GTF2IRD1: variants seen among roughly 807,000 people sequenced by gnomAD.
GTF2IRD1 encodes GTF2I repeat domain containing 1.
In GTF2IRD1, 26 loss-of-function variants were observed where a neutral mutation model predicts 113.2. The observed-to-expected ratio is 0.23, with a 90% CI of 0.17 to 0.32. The LOEUF is 0.32. GTF2IRD1 is among the 10% of genes least tolerant of loss of function. The probability of loss-of-function intolerance (pLI) is 1.00; values close to 1 mark genes in which losing one functional copy is unlikely to be tolerated. For synonymous variants in GTF2IRD1, 484 were observed against 529.1 expected, an observed-to-expected ratio of 0.91 and a Z score of 1.17; for missense variants, 864 against 1,280.8, an observed-to-expected ratio of 0.67 and a Z score of 4.97.
At chr7:74,552,061 G>A (rs1554355177) in intron 17 of GTF2IRD1, among the ~76,000 whole-genome samples, 2 of 152,172 alleles carry the variant, frequency 1.3e-5, no homozygotes, top group Non-Finnish European at 2.9e-5. Context: ...TACAGGGTGA[G>A]TGAGGGAAGG....
chr7:74,576,617 CTTTTTTTTT>C (rs1165378230), intron 22 of GTF2IRD1, among the ~76,000 whole-genome samples: 5 of 49,348 alleles, frequency 1.0e-4, no homozygotes, highest in Non-Finnish European at 1.7e-4. Flanking sequence ...ATTTCCTTGT[CTTTTTTTTT>C]TTTTTTTTTT....
intron 22 of GTF2IRD1, among the ~76,000 whole-genome samples, 197 bp from the exon 23 acceptor site, chr7:74,589,654 C>T (rs781291587): frequency 4.0e-5 from 6 of 151,090 alleles, no homozygotes; most frequent in Non-Finnish European, 5.9e-5. Flanking sequence ...GCTGAGATCA[C>T]GCCACTGCAC....
chr7:74,515,250 C>A (rs1446268101), intron 3 of GTF2IRD1, 191 bp from the exon 4 acceptor site: 2 of 1,212,684 alleles, frequency 1.6e-6, no homozygotes, highest in Non-Finnish European at 2.3e-6. Flanking sequence ...TCTGAGATGA[C>A]CAGCCCTGGC....
At chr7:74,565,074 C>T (rs1800213551) in intron 22 of GTF2IRD1, among the ~76,000 whole-genome samples, 1 of 150,228 alleles carries the variant, frequency 6.7e-6, no homozygotes, top group Non-Finnish European at 1.5e-5. Flanking sequence ...ATGGGGGGGA[C>T]TGGGTCCCCC....
At chr7:74,496,568 G>GCGTGGGTGTGCA (rs1763920324) in intron 1 of GTF2IRD1, among the ~76,000 whole-genome samples, 1 of 134,490 alleles carries the variant, frequency 7.4e-6, no homozygotes, top group Non-Finnish European at 1.6e-5. Context: ...GGGTGTACAT[G>GCGTGGGTGTGCA]TGTGGGTGTG....
chr7:74,600,889 G>T, intron 25 of GTF2IRD1, 155 bp from the exon 26 acceptor site: 1 of 725,718 alleles, frequency 1.4e-6, no homozygotes, highest in East Asian at 2.6e-5. Context: ...TGTGGGCTCT[G>T]GACAGGTGGG....
chr7:74,599,388 A>C (rs1452028913), intron 25 of GTF2IRD1, among the ~76,000 whole-genome samples: 1 of 152,200 alleles, frequency 6.6e-6, no homozygotes, highest in Non-Finnish European at 1.5e-5. Context: ...TTAATCCAGC[A>C]ACCACAGAAC....
rs782483943 is a variant in GTF2IRD1 at position 74,591,374 on chromosome 7, C to CTTT, written c.2591+377_2591+379dup. 2.8e-3 allele frequency among the ~76,000 whole-genome samples: 331 copies of CTTT among 118,044 alleles called. 1 individual carries two copies. Among genetic ancestry groups the CTTT allele is most frequent in the Non-Finnish European group, 4.0e-3 (230 of 57,336 alleles). The allele number at this position is 118,044 out of a possible 152,430, so 77.4% of individuals were successfully genotyped here. ...ATAATTCCATAGTCTCAGTGATTCTCTTTTTTTTTTTTTTTTTTTTTTGAG... is the reference window on the plus strand; with the variant it reads ...ATAATTCCATAGTCTCAGTGATTCTCTTTTTTTTTTTTTTTTTTTTTTTTTGAG... On this transcript the variant is annotated intron_variant, in intron 24 of 26. Transcript: ENST00000424337.
intron 1 of GTF2IRD1, among the ~76,000 whole-genome samples, chr7:74,499,004 A>G (rs1554338769): frequency 6.6e-6 from 1 of 152,240 alleles, no homozygotes; most frequent in Non-Finnish European, 1.5e-5. Context: ...TGCTGGGATT[A>G]CAGGCATGAG....
At chr7:74,533,480 C>T (rs1292432178) in intron 9 of GTF2IRD1, among the ~76,000 whole-genome samples, 1 of 152,154 alleles carries the variant, frequency 6.6e-6, no homozygotes, top group Non-Finnish European at 1.5e-5. Flanking sequence ...TAAATGGGCC[C>T]CTGGGTGCCC....
Position 74,521,280 on chromosome 7 carries a change from T to C in GTF2IRD1, c.989T>C (p.Ile330Thr). Residue 330 changes from isoleucine (I) to threonine (T), a missense_variant, in exon 7 of 27, where the codon ATC (isoleucine) becomes ACC (threonine). Physicochemically the swap from Ile to Thr is moderately conservative, Grantham distance 89. Coordinates refer to ENST00000424337, the MANE Select transcript of GTF2IRD1 (RefSeq NM_005685.4). ...VHASKRILFS[I>T]VHDKSEKWDA... ...GCCTCCAAGCGCATTCTCTTCTCCA[T>C]CGTCCATGACAAGTCAGGTAGGACA... The C allele has an allele frequency of 6.2e-7, 1 of 1,609,830 alleles. No homozygotes were observed. The highest frequency in any genetic ancestry group is 8.5e-7 in the Non-Finnish European group (1 of 1,176,474).
At chr7:74,493,699 C>T (rs782604914) in intron 1 of GTF2IRD1, among the ~76,000 whole-genome samples, 2 of 152,090 alleles carry the variant, frequency 1.3e-5, no homozygotes, top group African/African-American at 2.4e-5. Flanking sequence ...TGACCCACCT[C>T]GGCTCTGTCC....
intron 14 of GTF2IRD1, among the ~76,000 whole-genome samples, chr7:74,544,280 G>A (rs1554352545): frequency 6.6e-6 from 1 of 152,160 alleles, no homozygotes; most frequent in Admixed American, 6.6e-5. Context: ...CCGCCTCCTA[G>A]GTTCAGGCGA....
At chr7:74,515,130 A>G (rs1796853361) in intron 3 of GTF2IRD1, among the ~76,000 whole-genome samples, 1 of 151,946 alleles carries the variant, frequency 6.6e-6, no homozygotes, top group African/African-American at 2.4e-5. Context: ...GAGCTGGAAT[A>G]GCTGGCCTCC....
At chr7:74,548,103 T>C (rs1345487768) in intron 17 of GTF2IRD1, among the ~76,000 whole-genome samples, 8 of 152,152 alleles carry the variant, frequency 5.3e-5, no homozygotes, top group Non-Finnish European at 1.0e-4. Flanking sequence ...GGACATACCC[T>C]GTGTGCCCAG....
At chr7:74,574,802 A>AT (rs2130893474) in intron 22 of GTF2IRD1, among the ~76,000 whole-genome samples, 1 of 151,954 alleles carries the variant, frequency 6.6e-6, no homozygotes, top group East Asian at 1.9e-4. Context: ...AAAAAAAAAA[A>AT]ACCCGGCTGA....
chr7:74,551,235 C>A (rs1489945394), intron 17 of GTF2IRD1, among the ~76,000 whole-genome samples: 2 of 152,008 alleles, frequency 1.3e-5, no homozygotes, highest in Non-Finnish European at 2.9e-5. Context: ...CCGAGCTCCT[C>A]GGGTGGCTGA....
intron 22 of GTF2IRD1, among the ~76,000 whole-genome samples, chr7:74,567,344 A>G (rs1554360993): frequency 6.6e-6 from 1 of 151,778 alleles, no homozygotes; most frequent in Non-Finnish European, 1.5e-5. Flanking sequence ...AAAAAGAAAA[A>G]AAAAAGGAGA....
chr7:74,583,575 TGCCAGCCCCCTCA>T (rs1801550917), intron 22 of GTF2IRD1, among the ~76,000 whole-genome samples: 1 of 151,860 alleles, frequency 6.6e-6, no homozygotes, highest in African/African-American at 2.4e-5. Context: ...CTCCCCAAAC[TGCCAGCCCCCTCA>T]GCCAGCCCGG....
Sources: allele counts gnomAD v4.1 joint callset (sites outside exome capture counted in the v4.1 genomes callset), GRCh38; gene constraint gnomAD v4.1.1; transcripts MANE v1.5; gene names NCBI Gene and HGNC (gene_info 2026-07-23, HGNC 2026-07-21).